The following RABGGTB variants were observed in gnomAD, a reference collection of about 807,000 sequenced individuals.
RABGGTB encodes Rab geranylgeranyltransferase subunit beta.
In RABGGTB, 20 loss-of-function variants were observed where a neutral mutation model predicts 44.5. The observed-to-expected ratio is 0.45, with a 90% confidence interval of 0.32 to 0.65. The LOEUF (loss-of-function observed/expected upper bound fraction) is 0.65. Ranked by LOEUF, RABGGTB falls within the 30% of genes least tolerant of loss-of-function variation. The pLI is 0.05. For missense variants in RABGGTB, 302 were observed against 398.7 expected, an observed-to-expected ratio of 0.76 and a Z score of 2.06; for synonymous variants, 128 against 136.7, an observed-to-expected ratio of 0.94 and a Z score of 0.44.
chr1:75,788,853 G>A (rs1053274144), intron 2 of RABGGTB: 1 of 358,866 alleles, frequency 2.8e-6, no homozygotes, highest in Non-Finnish European at 5.1e-6. Context: ...GAACTTCACT[G>A]ATGAAAAAGG....
chr1:75,791,453 GT>G lies in RABGGTB; in HGVS notation c.469-5del. The G allele has an allele frequency of 6.3e-7, 1 of 1,583,194 alleles. No homozygotes were observed. The highest frequency in any genetic ancestry group is 8.6e-7 in the Non-Finnish European group (1 of 1,167,336). On this transcript the variant is annotated splice_region_variant and splice_polypyrimidine_tract_variant and intron_variant, in intron 5 of 8. Transcript: ENST00000319942. ...GAATTTAACAGGCATCTTTTTTTTT[GT>G]TTGTAGGGGAAGCTTGATGCTATTA...
At chr1:75,791,374 C>A (rs368223301) in intron 5 of RABGGTB, 37 bp downstream of exon 5, 2 of 1,579,928 alleles carry the variant, frequency 1.3e-6, no homozygotes, top group South Asian at 2.3e-5. Context: ...GATTAAAGTT[C>A]ATGAATACTC....
intron 4 of RABGGTB, chr1:75,790,613 A>G (rs1416367418): frequency 2.1e-6 from 1 of 485,930 alleles, no homozygotes; most frequent in Non-Finnish European, 2.7e-6. Context: ...TTCTTTAAGC[A>G]GCTTAAGATA....
chr1:75,786,230 C>T (rs1389889664), upstream of RABGGTB: 2 of 1,613,748 alleles, frequency 1.2e-6, no homozygotes, highest in South Asian at 1.1e-5. Flanking sequence ...GCTCCTAAGT[C>T]TACCCAGGAA....
chr1:75,790,395 G>C (rs1649617794), intron 4 of RABGGTB: 2 of 1,158,988 alleles, frequency 1.7e-6, no homozygotes, highest in Non-Finnish European at 2.1e-6. Context: ...TATTTGAGTG[G>C]AGGGAGGGAA....
chr1:75,792,975 G>T (rs192868960), intron 7 of RABGGTB, among the ~76,000 whole-genome samples: 9 of 152,004 alleles, frequency 5.9e-5, no homozygotes, highest in Admixed American at 5.9e-4. Flanking sequence ...ACAGGCGCAC[G>T]GCTAATTTTT....
At chr1:75,787,036 A>T in intron 1 of RABGGTB, 1 of 512,240 alleles carries the variant, frequency 2.0e-6, no homozygotes, top group Non-Finnish European at 3.9e-6. Context: ...TTTGAATGAA[A>T]AGTGAACAAC....
Position 75,787,128 on chromosome 1 carries a change from C to G in RABGGTB, c.4-369C>G, listed in dbSNP as rs1278491146. The stretch of plus-strand genomic sequence containing the variant: ...CTAAAGTTGATTATTACTACTTTAG[C>G]TCTAGAATTACTCTGAGACCTGAAA... On this transcript the variant is annotated intron_variant, in intron 1 of 8. Coordinates refer to ENST00000319942, the MANE Select transcript of RABGGTB (RefSeq NM_004582.4). 4 of 544,514 alleles carry G rather than the reference C, an allele frequency of 7.3e-6. No homozygotes were observed. In the African/African-American group the frequency reaches 7.5e-5, roughly 10 times the overall value. 33.7% of individuals were successfully genotyped at this position (544,514 alleles called of 1,614,324 possible).
rs745929504 is a variant in RABGGTB, at chr1:75,794,691, T to G, written c.*41T>G. On this transcript the variant is annotated 3_prime_UTR_variant, in exon 9 of 9. Coordinates refer to ENST00000319942, the MANE Select transcript of RABGGTB (RefSeq NM_004582.4). ...AGTTGCATAGTATAGTTTTGCCATT[T>G]TAACATTTCTGTATTTGAAGTGCTT... is the stretch of plus-strand genomic sequence containing the variant. 2 of 1,483,142 alleles carry G rather than the reference T, an allele frequency of 1.3e-6. No individual in the cohort carries two copies. The highest frequency in any genetic ancestry group is 2.8e-5 in the African/African-American group (2 of 71,904). 91.9% of individuals were successfully genotyped at this position (1,483,142 alleles called of 1,614,324 possible). A position where few individuals can be genotyped will look rare whatever the true frequency, so the allele number is the denominator to read the frequency against.
chr1:75,786,574 T>C lies in RABGGTB; in HGVS notation c.3+300T>C, dbSNP rs975312474. On this transcript the variant is annotated intron_variant, in intron 1 of 8. Transcript: ENST00000319942. ...GCTGATTGGTGGCTTTTTTTTTTCT[T>C]GGAGAGGGGGTGTCAAAGATTTCTT... The C allele has an allele frequency of 4.4e-5, 18 of 408,120 alleles. No individual in the cohort carries two copies. The South Asian group carries it at 6.7e-4, about 15-fold the overall frequency. 25.3% of individuals were successfully genotyped at this position (408,120 alleles called of 1,614,324 possible).
chr1:75,786,265 G>C lies in RABGGTB; in HGVS notation c.-7G>C. The C allele has an allele frequency of 1.9e-6, 3 of 1,614,238 alleles. No homozygotes were observed. The highest frequency in any genetic ancestry group is 2.5e-6 in the Non-Finnish European group (3 of 1,180,048). On this transcript the variant is annotated 5_prime_UTR_variant, in exon 1 of 9. Coordinates refer to ENST00000319942, the MANE Select transcript of RABGGTB (RefSeq NM_004582.4). Reference sequence around the variant, plus strand: ...ACTGACCCTGCTCTCTCCTTTCCCTGTTAGACATGGTAAGTGTGAGTTTAG... The same window carrying C: ...ACTGACCCTGCTCTCTCCTTTCCCTCTTAGACATGGTAAGTGTGAGTTTAG...
At chr1:75,786,299 T>A in intron 1 of RABGGTB, 25 bp downstream of exon 1, 1 of 1,614,084 alleles carries the variant, frequency 6.2e-7, no homozygotes, top group Non-Finnish European at 8.5e-7. Context: ...AGCGCTGCTG[T>A]CCGGATGGGT....
In RABGGTB at chr1:75,789,168, A is replaced by C; in HGVS notation, c.121A>C (p.Met41Leu). 6.2e-7 allele frequency: 1 copy of C among 1,613,048 alleles called. No homozygotes were observed. The highest frequency in any genetic ancestry group is 8.5e-7 in the Non-Finnish European group (1 of 1,179,036). ...TTGTGTATTATTTTAGGAATACTGT[A>C]TGTCTGAGTATTTGAGAATGAGTGG... ...GSKKDDYEYC[M>L]SEYLRMSGIY... Residue 41 changes from methionine to leucine, a missense_variant, in exon 3 of 9, where the codon ATG becomes CTG. Met to Leu is a conservative substitution (Grantham distance 15). Around this residue, in one of 2 missense-constraint regions of RABGGTB, gnomAD observed 89 missense variants for 75.0 expected, o/e 1.19. Coordinates refer to ENST00000319942, the MANE Select transcript of RABGGTB (RefSeq NM_004582.4).
rs200508627 is a variant in RABGGTB at position 75,794,252 on chromosome 1, A to G, written c.855+19A>G. ...AGATATGGCAAGTAATATTTCTGAC[A>G]TATTTCTATAAATTATTTCAGCGTT... On this transcript the variant is annotated intron_variant, in intron 8 of 8. Coordinates refer to ENST00000319942, the MANE Select transcript of RABGGTB (RefSeq NM_004582.4). The G allele has an allele frequency of 1.3e-5, 21 of 1,581,924 alleles. No individual in the cohort carries two copies. In the Middle Eastern group the frequency reaches 1.4e-3, roughly 102 times the overall value.
chr1:75,790,304 G>A, intron 4 of RABGGTB: 1 of 1,232,212 alleles, frequency 8.1e-7, no homozygotes, highest in Non-Finnish European at 1.0e-6. Context: ...CCAATATTTG[G>A]TGGCTTTGTA....
chr1:75,787,945 T>C (rs769710076), intron 2 of RABGGTB: 10 of 549,118 alleles, frequency 1.8e-5, no homozygotes, highest in Non-Finnish European at 2.8e-5. Flanking sequence ...GTAATAACAC[T>C]TTAGCTCTAG....
chr1:75,789,961 C>T lies in RABGGTB; in HGVS notation c.319C>T (p.Leu107=). 6.2e-7 allele frequency: 1 copy of T among 1,604,800 alleles called. No homozygotes were observed. ...CTTGTCTTTATTGCAGATTCTTACG[C>T]TGTATGACAGTATTAATGTTATTGA... ...YTLSAVQILT[L]YDSINVIDVN... is the part of the protein sequence containing the mutation. The change falls in exon 4 of 9, where the codon CTG becomes TTG. Residue 107 remains leucine, a synonymous_variant. Transcript: ENST00000319942.
At chr1:75,787,958 T>A (rs1645246303) in intron 2 of RABGGTB, 1 of 537,688 alleles carries the variant, frequency 1.9e-6, no homozygotes, top group Non-Finnish European at 3.7e-6. Context: ...AGCTCTAGAA[T>A]TACTCTGAGA....
chr1:75,789,467 T>A (rs748533021), intron 3 of RABGGTB, 111 bp downstream of exon 3: 1 of 1,098,380 alleles, frequency 9.1e-7, no homozygotes, highest in African/African-American at 1.5e-5. Flanking sequence ...CAAGTGAAGC[T>A]GTCCTACAAG....
Sources: allele counts gnomAD v4.1 joint callset (sites outside exome capture counted in the v4.1 genomes callset), GRCh38; gene constraint gnomAD v4.1.1; regional missense constraint gnomAD v4.1.1; transcripts MANE v1.5; gene names NCBI Gene and HGNC (gene_info 2026-07-23, HGNC 2026-07-21).